Variants in SMOX observed in about 807,000 individuals in gnomAD.
The protein encoded by SMOX is spermine oxidase, also known as flavin containing amine oxidase.
SMOX carries 22 observed loss-of-function variants against 51.0 expected under a neutral mutation model. The ratio of observed to expected loss-of-function variants is 0.43; its 90% CI spans 0.31 to 0.62. The LOEUF is 0.62. Ranked by LOEUF, SMOX falls within the 20% of genes least tolerant of loss-of-function variation. The pLI is 0.10. For missense variants in SMOX, 566 were observed against 777.7 expected, an observed-to-expected ratio of 0.73 and a Z score of 3.24; for synonymous variants, 282 against 307.8, an observed-to-expected ratio of 0.92 and a Z score of 0.88.
At chr20:4,178,214 T>C (rs1979035882) in intron 3 of SMOX, among the ~76,000 whole-genome samples, 1 of 152,110 alleles carries the variant, frequency 6.6e-6, no homozygotes, top group Non-Finnish European at 1.5e-5. Context: ...AATTTTTGTA[T>C]TTTTAGTAGA....
intron 1 of SMOX, among the ~76,000 whole-genome samples, chr20:4,158,849 G>A (rs2122405588): frequency 6.6e-6 from 1 of 152,144 alleles, no homozygotes; most frequent in East Asian, 1.9e-4. Flanking sequence ...TGATCCTGGC[G>A]GGTGGTGGTG....
chr20:4,155,795 G>C (rs915584647), intron 1 of SMOX, among the ~76,000 whole-genome samples: 7 of 152,018 alleles, frequency 4.6e-5, no homozygotes, highest in Admixed American at 3.9e-4. Flanking sequence ...GTTGCTGGAA[G>C]CGGGGTAGCA....
At position 4,182,731 on chromosome 20, in the gene SMOX, G is replaced by C. The variant is rs1979436750; in HGVS notation, c.1252G>C (p.Glu418Gln). ...CGGCTTTGATGTCCTCTACCCGCCT[G>C]AGCGCTACGGCCATGTGCTGAGCGG... is the stretch of plus-strand genomic sequence containing the variant. ...ICGFDVLYPP[E>Q]RYGHVLSGWI... Residue 418 changes from glutamate (E) to glutamine (Q), a missense_variant, in exon 5 of 7, where the codon GAG (glutamate) becomes CAG (glutamine). Around this residue, in one of 3 missense-constraint regions of SMOX, gnomAD observed 347 missense variants for 481.8 expected, o/e 0.72. Transcript: ENST00000305958. This position sits in a 1 kb window ranked among gnomAD's most constrained non-coding sequence, Gnocchi z 8.4. 1 of 1,614,084 alleles carries C rather than the reference G, an allele frequency of 6.2e-7. No individual in the cohort carries two copies. Among genetic ancestry groups the C allele is most frequent in the African/African-American group, 1.3e-5 (1 of 74,940 alleles).
chr20:4,155,813 C>T (rs1985996518), intron 1 of SMOX, among the ~76,000 whole-genome samples: 2 of 151,942 alleles, frequency 1.3e-5, no homozygotes, highest in South Asian at 2.1e-4. Context: ...GCAGTCACTA[C>T]ACCCAAAAGA....
In SMOX at chr20:4,149,779, G is replaced by T. The variant is rs577983328; in HGVS notation, c.-27+802G>T. Among the ~76,000 whole-genome samples the T allele has an allele frequency of 6.6e-6, 1 of 152,338 alleles. No individual in the cohort carries two copies. Among genetic ancestry groups the T allele is most frequent in the South Asian group, 2.1e-4 (1 of 4,830 alleles). On this transcript the variant is annotated intron_variant, in intron 1 of 6. Coordinates refer to ENST00000305958, the MANE Select transcript of SMOX (RefSeq NM_175839.3). The surrounding 1 kb of genome is among the most constrained non-coding windows in gnomAD (Gnocchi z 6.0). ...GTGCCCGGCACGTATAGTGAGAGGT[G>T]CCCACAGGTTGTTTGCAGAACCTGC... is the stretch of plus-strand genomic sequence containing the variant.
At chr20:4,168,561 T>TC (rs1026106579) in intron 1 of SMOX, among the ~76,000 whole-genome samples, 8 of 125,624 alleles carry the variant, frequency 6.4e-5, no homozygotes, top group Admixed American at 7.6e-5. Flanking sequence ...TCTCTCTCTC[T>TC]TTTTTTTTTT....
chr20:4,179,899 G>A (rs1008826107), intron 3 of SMOX, among the ~76,000 whole-genome samples: 1 of 152,148 alleles, frequency 6.6e-6, no homozygotes, highest in African/African-American at 2.4e-5. Flanking sequence ...GGAAGGTGTC[G>A]AATAACCCAG....
chr20:4,179,888 G>A (rs1020796392), intron 3 of SMOX, among the ~76,000 whole-genome samples: 12 of 152,176 alleles, frequency 7.9e-5, no homozygotes, highest in African/African-American at 2.9e-4. Context: ...GGGTCACATT[G>A]GGAAGGTGTC....
chr20:4,180,744 T>C (rs369836192), intron 3 of SMOX, among the ~76,000 whole-genome samples: 2 of 152,300 alleles, frequency 1.3e-5, no homozygotes, highest in South Asian at 2.1e-4. Context: ...AGGTTGCTGT[T>C]CCCTCTGCCT....
intron 1 of SMOX, among the ~76,000 whole-genome samples, chr20:4,174,239 AAG>A (rs1054330155): frequency 1.3e-5 from 2 of 150,906 alleles, no homozygotes; most frequent in Non-Finnish European, 2.9e-5. Flanking sequence ...GGGCAAGGGA[AAG>A]AGAGAGAGAG....
chr20:4,174,929 C>G, intron 1 of SMOX, 101 bp from the exon 2 acceptor site: 1 of 1,239,062 alleles, frequency 8.1e-7, no homozygotes, highest in Non-Finnish European at 1.1e-6. Context: ...TCCCCCCACC[C>G]ACAACAGAGG....
intron 1 of SMOX, among the ~76,000 whole-genome samples, chr20:4,169,127 T>A (rs1024827901): frequency 5.3e-5 from 8 of 152,020 alleles, no homozygotes; most frequent in Non-Finnish European, 8.8e-5. Flanking sequence ...TTTTAATTTT[T>A]ATTTTTTTGT....
intron 1 of SMOX, among the ~76,000 whole-genome samples, chr20:4,160,605 T>C (rs557891080): frequency 1.3e-5 from 2 of 152,290 alleles, no homozygotes; most frequent in African/African-American, 2.4e-5. Flanking sequence ...AGGGGCAAAA[T>C]AGAGGTTTGC....
intron 1 of SMOX, among the ~76,000 whole-genome samples, chr20:4,173,492 G>A (rs1037854200): frequency 6.6e-6 from 1 of 152,052 alleles, no homozygotes; most frequent in Non-Finnish European, 1.5e-5. Context: ...AGACCCGTGG[G>A]GTGTTTTTAT....
At chr20:4,180,735 G>A (rs149600971) in intron 3 of SMOX, among the ~76,000 whole-genome samples, 1 of 152,282 alleles carries the variant, frequency 6.6e-6, no homozygotes, top group Non-Finnish European at 1.5e-5. Context: ...CCATCTTTGA[G>A]GTTGCTGTTC....
At chr20:4,178,199 C>T (rs976919719) in intron 3 of SMOX, among the ~76,000 whole-genome samples, 3 of 152,024 alleles carry the variant, frequency 2.0e-5, no homozygotes, top group Non-Finnish European at 4.4e-5. Context: ...GTGGCATGCC[C>T]AGCTAATTTT....
At position 4,153,604 on chromosome 20, in the gene SMOX, C is replaced by G. The variant is rs954845796; in HGVS notation, c.-27+4627C>G. Among the ~76,000 whole-genome samples, 3 of 152,178 alleles carry G rather than the reference C, an allele frequency of 2.0e-5. No individual in the cohort carries two copies. Among genetic ancestry groups the G allele is most frequent in the African/African-American group, 7.2e-5 (3 of 41,436 alleles). On this transcript the variant is annotated intron_variant, in intron 1 of 6. Transcript: ENST00000305958. This position sits in a 1 kb window ranked among gnomAD's most constrained non-coding sequence, Gnocchi z 4.4. ...GGGTCTGTTTTCTCTGAATTCTGAG[C>G]CCCAGAGTTGAGGGGATCTGCTCAT...
At chr20:4,165,095 T>G (rs546909188) in intron 1 of SMOX, among the ~76,000 whole-genome samples, 1 of 146,922 alleles carries the variant, frequency 6.8e-6, no homozygotes, top group South Asian at 2.2e-4. Context: ...CGCTCTGTTG[T>G]CCAGGCTAGA....
intron 1 of SMOX, among the ~76,000 whole-genome samples, chr20:4,150,853 C>A (rs955292724): frequency 8.8e-6 from 1 of 114,036 alleles, no homozygotes; most frequent in Non-Finnish European, 1.7e-5. Flanking sequence ...TTCTTTGAGA[C>A]GGAGTTTCGC....
Sources: gnomAD v4.1 joint callset for allele counts (sites outside exome capture counted in the v4.1 genomes callset) on GRCh38, gnomAD v4.1.1 for gene constraint, gnomAD v4.1.1 regional missense constraint, Gnocchi (gnomAD v3.1) non-coding constraint, MANE v1.5 for transcripts, NCBI Gene and HGNC (gene_info 2026-07-23, HGNC 2026-07-21) for gene names.